The following PDGFRL variants were observed in gnomAD, a reference collection of about 807,000 sequenced individuals.
PDGFRL encodes platelet-derived growth factor receptor-like protein.
Under a neutral mutation model 37.2 loss-of-function variants are expected in PDGFRL, and 46 were observed. That is an observed-to-expected ratio of 1.24 (90% confidence interval 0.98 to 1.58). The LOEUF (loss-of-function observed/expected upper bound fraction) is 1.58, where lower values mean the gene tolerates loss of function less well. Ranked by LOEUF, PDGFRL falls within the 40% of genes most tolerant of loss-of-function variation. The probability of loss-of-function intolerance (pLI) is 0.00; values close to 1 mark genes in which losing one functional copy is unlikely to be tolerated. For synonymous variants in PDGFRL, 251 were observed against 184.3 expected (o/e 1.36, Z -2.93); for missense variants, 692 against 467.6 (o/e 1.48, Z -4.43).
chr8:17,638,321 A>T (rs1585338932), intron 5 of PDGFRL, among the ~76,000 whole-genome samples: 1 of 152,156 alleles, frequency 6.6e-6, no homozygotes, highest in Non-Finnish European at 1.5e-5. Context: ...ATTCAGGAGC[A>T]GGTTATTTAA....
At chr8:17,628,072 C>T (rs1463340933) in intron 3 of PDGFRL, among the ~76,000 whole-genome samples, 1 of 144,618 alleles carries the variant, frequency 6.9e-6, no homozygotes, top group Non-Finnish European at 1.5e-5. Context: ...CGGCTCACTG[C>T]AAGCTCCGCC....
At chr8:17,602,751 T>C (rs1436758896) in intron 2 of PDGFRL, among the ~76,000 whole-genome samples, 3 of 152,010 alleles carry the variant, frequency 2.0e-5, no homozygotes, top group Non-Finnish European at 4.4e-5. Context: ...GCGATGCTTG[T>C]TTGCAAAACC....
At chr8:17,622,266 C>A (rs1298455130) in intron 3 of PDGFRL, among the ~76,000 whole-genome samples, 2 of 152,226 alleles carry the variant, frequency 1.3e-5, no homozygotes, top group Admixed American at 1.3e-4. Flanking sequence ...TCAGTAAGAG[C>A]TTTCAGGAAT....
intron 2 of PDGFRL, among the ~76,000 whole-genome samples, chr8:17,602,855 T>A (rs375763866): frequency 2.0e-5 from 3 of 152,234 alleles, no homozygotes; most frequent in Non-Finnish European, 2.9e-5. Context: ...AAATGAGAAC[T>A]GAGTGGATAC....
intron 4 of PDGFRL, among the ~76,000 whole-genome samples, chr8:17,632,668 C>G (rs1396664843): frequency 2.0e-5 from 3 of 152,164 alleles, no homozygotes; most frequent in Non-Finnish European, 4.4e-5. Context: ...CAGTAGGTTC[C>G]CACTTCTCCC....
intron 5 of PDGFRL, 51 bp from the exon 6 acceptor site, chr8:17,642,562 T>C: frequency 8.8e-7 from 1 of 1,137,572 alleles, no homozygotes; most frequent in East Asian, 2.3e-5. Flanking sequence ...TGGGAGCTCT[T>C]TATAGCAGCT....
intron 3 of PDGFRL, among the ~76,000 whole-genome samples, chr8:17,621,966 C>T (rs1406342434): frequency 6.6e-6 from 1 of 152,196 alleles, no homozygotes; most frequent in Non-Finnish European, 1.5e-5. Context: ...AGCCATTCTG[C>T]TCAGCCCTGT....
At chr8:17,596,818 C>T (rs763013900) in intron 2 of PDGFRL, among the ~76,000 whole-genome samples, 7 of 152,182 alleles carry the variant, frequency 4.6e-5, no homozygotes, top group African/African-American at 2.4e-5. Flanking sequence ...GCTATTTGCC[C>T]TCAAGGGGGC....
upstream of PDGFRL, chr8:17,576,883 G>T: frequency 3.6e-6 from 1 of 279,084 alleles, no homozygotes; most frequent in Non-Finnish European, 6.5e-6. Context: ...GACAATCGTG[G>T]TTAAAAGTGA....
intron 2 of PDGFRL, among the ~76,000 whole-genome samples, chr8:17,616,169 ATTATTTATTTATTTATTTAT>A (rs58323480): frequency 3.5e-5 from 5 of 144,214 alleles, no homozygotes; most frequent in African/African-American, 5.1e-5. Flanking sequence ...TATTATTGTT[ATTATTTATTTATTTATTTAT>A]TTATTTATTT....
chr8:17,577,228 CGCTCCGA>C lies in PDGFRL; in HGVS notation c.-23_-17del, dbSNP rs1421442069. On this transcript the variant is annotated 5_prime_UTR_variant, in exon 1 of 6. Coordinates refer to ENST00000251630, the MANE Select transcript of PDGFRL (RefSeq NM_001372073.1). ...GCCCCGCGCAGCCGCCGCGCTCCTG[CGCTCCGA>C]GGTCCGAGGTTCCCGAGATGAAGGT... The C allele has an allele frequency of 6.2e-7, 1 of 1,609,112 alleles. No homozygotes were observed. The highest frequency in any genetic ancestry group is 1.3e-5 in the African/African-American group (1 of 74,854).
At chr8:17,587,173 G>C (rs1163232577) in intron 1 of PDGFRL, among the ~76,000 whole-genome samples, 1 of 152,168 alleles carries the variant, frequency 6.6e-6, no homozygotes, top group Non-Finnish European at 1.5e-5. Flanking sequence ...CAATTCTGTG[G>C]TCAGGCAGCT....
At position 17,628,532 on chromosome 8, in the gene PDGFRL, T is replaced by A. The variant is rs1804783971; in HGVS notation, c.551T>A (p.Val184Asp). ...FVPSPSYFDV[V>D]YLNPDRQAVV... ...CCTTCTCCCAGCTACTTCGATGTTG[T>A]CTACTTGAACCCGGACAGACAGGCT... The change falls in exon 4 of 6, where the codon GTC becomes GAC. Residue 184 changes from valine (V) to aspartate (D), a missense_variant. By Grantham distance (152) the Val-to-Asp change is radical. Transcript: ENST00000251630. 6.2e-7 allele frequency: 1 copy of A among 1,613,956 alleles called. No homozygotes were observed. Among genetic ancestry groups the A allele is most frequent in the African/African-American group, 1.3e-5 (1 of 74,922 alleles).
chr8:17,582,267 C>G (rs1025809182), intron 1 of PDGFRL, among the ~76,000 whole-genome samples: 1 of 152,056 alleles, frequency 6.6e-6, no homozygotes, highest in Non-Finnish European at 1.5e-5. Flanking sequence ...GCAAAGTGCT[C>G]AAGTAGTGGT....
In PDGFRL at chr8:17,601,239, T is replaced by G. The variant is rs375833500; in HGVS notation, c.353+11474T>G. The stretch of plus-strand genomic sequence containing the variant: ...TCTCTAACCTTAGAGGGTGTCTGTT[T>G]ATTCCCTGATGTTTTCCTCACACCC... On this transcript the variant is annotated intron_variant, in intron 2 of 5. Transcript: ENST00000251630. 1.2e-4 allele frequency among the ~76,000 whole-genome samples: 19 copies of G among 152,188 alleles called. No homozygotes were observed. The East Asian group carries it at 1.5e-3, about 12-fold the overall frequency.
chr8:17,580,074 T>A (rs1041903020), intron 1 of PDGFRL, among the ~76,000 whole-genome samples: 1 of 152,168 alleles, frequency 6.6e-6, no homozygotes, highest in Non-Finnish European at 1.5e-5. Flanking sequence ...AACACTGAAG[T>A]GTTAATATTG....
At chr8:17,612,672 A>G (rs989842138) in intron 2 of PDGFRL, among the ~76,000 whole-genome samples, 2 of 152,170 alleles carry the variant, frequency 1.3e-5, no homozygotes, top group Non-Finnish European at 2.9e-5. Flanking sequence ...CACCTGGCCC[A>G]GTTTTTCTTT....
intron 3 of PDGFRL, 75 bp downstream of exon 3, chr8:17,621,277 A>T (rs746840476): frequency 8.0e-5 from 75 of 934,064 alleles, no homozygotes; most frequent in Non-Finnish European, 1.1e-4. Flanking sequence ...CCCCCACTGC[A>T]TGCTGAATAG....
At chr8:17,601,460 T>C (rs79274760) in intron 2 of PDGFRL, among the ~76,000 whole-genome samples, 33,181 of 151,824 alleles carry the variant, frequency 0.22, 4,261 homozygotes, top group African/African-American at 0.33. Context: ...TTTTTGTTTT[T>C]TTTTTTTTCC....
Sources: allele counts gnomAD v4.1 joint callset (sites outside exome capture counted in the v4.1 genomes callset), GRCh38; gene constraint gnomAD v4.1.1; transcripts MANE v1.5; gene names NCBI Gene and HGNC (gene_info 2026-07-23, HGNC 2026-07-21).